Variants in HS6ST3 observed in about 807,000 individuals in gnomAD.
HS6ST3 encodes the protein heparan sulfate 6-O-sulfotransferase 3.
In HS6ST3, 12 loss-of-function variants were observed where a neutral mutation model predicts 36.7. The observed-to-expected ratio is 0.33, with a 90% CI of 0.21 to 0.53. The LOEUF is 0.53. Ranked by LOEUF, HS6ST3 falls within the 20% of genes least tolerant of loss-of-function variation. HS6ST3 has a pLI of 0.95. For synonymous variants in HS6ST3, 240 were observed against 257.5 expected, an observed-to-expected ratio of 0.93 and a Z score of 0.65; for missense variants, 584 against 640.9, an observed-to-expected ratio of 0.91 and a Z score of 0.96.
At chr13:96,539,035 C>T (rs1011575684) in intron 1 of HS6ST3, among the ~76,000 whole-genome samples, 4 of 151,948 alleles carry the variant, frequency 2.6e-5, no homozygotes, top group South Asian at 2.1e-4. Flanking sequence ...ATTATCTAGG[C>T]GTAGTAGTGG....
At chr13:96,447,943 G>A (rs1027861806) in intron 1 of HS6ST3, among the ~76,000 whole-genome samples, 17 of 152,242 alleles carry the variant, frequency 1.1e-4, no homozygotes, top group Admixed American at 1.1e-3. Context: ...TATCAAAACT[G>A]GTGCGAGGAC....
chr13:96,131,013 GAGTATTT>G (rs1345631129), intron 1 of HS6ST3, among the ~76,000 whole-genome samples: 3 of 152,150 alleles, frequency 2.0e-5, no homozygotes, highest in Non-Finnish European at 4.4e-5. Flanking sequence ...CTACCAAGCA[GAGTATTT>G]GAGGGCCAGG....
intron 1 of HS6ST3, among the ~76,000 whole-genome samples, chr13:96,510,040 C>T (rs973624577): frequency 6.6e-6 from 1 of 152,058 alleles, no homozygotes; most frequent in African/African-American, 2.4e-5. Flanking sequence ...TTGTGGTTCT[C>T]CGTGTAGAGA....
At chr13:96,209,189 G>A (rs2054386610) in intron 1 of HS6ST3, among the ~76,000 whole-genome samples, 1 of 152,300 alleles carries the variant, frequency 6.6e-6, no homozygotes, top group African/African-American at 2.4e-5. Flanking sequence ...GTAATTCCTT[G>A]ATCTTACAAG....
intron 1 of HS6ST3, among the ~76,000 whole-genome samples, chr13:96,693,422 A>T (rs1212474431): frequency 6.6e-6 from 1 of 152,118 alleles, no homozygotes; most frequent in African/African-American, 2.4e-5. Context: ...CTCTTGCCTC[A>T]GCCTCCCGAG....
chr13:96,200,067 A>C (rs993979665), intron 1 of HS6ST3, among the ~76,000 whole-genome samples: 5 of 152,212 alleles, frequency 3.3e-5, no homozygotes, highest in African/African-American at 1.2e-4. Context: ...CTAAACAAAC[A>C]CTTAAAATGA....
intron 1 of HS6ST3, among the ~76,000 whole-genome samples, chr13:96,482,745 A>G (rs1212265021): frequency 6.6e-6 from 1 of 152,214 alleles, no homozygotes; most frequent in African/African-American, 2.4e-5. Flanking sequence ...AAGGGTGCAA[A>G]ACTAAAAAGG....
At chr13:96,360,877 C>T (rs953042244) in intron 1 of HS6ST3, among the ~76,000 whole-genome samples, 8 of 145,676 alleles carry the variant, frequency 5.5e-5, no homozygotes, top group South Asian at 2.2e-4. Flanking sequence ...ACTTGGGAGG[C>T]GGAGGTTGCA....
chr13:96,420,038 A>G (rs1006092706), intron 1 of HS6ST3, among the ~76,000 whole-genome samples: 3 of 152,162 alleles, frequency 2.0e-5, no homozygotes, highest in African/African-American at 7.2e-5. Flanking sequence ...AAAATCCTGT[A>G]TATAAGTTTG....
chr13:96,229,167 G>GA (rs1465109023), intron 1 of HS6ST3, among the ~76,000 whole-genome samples: 1 of 152,146 alleles, frequency 6.6e-6, no homozygotes, highest in Non-Finnish European at 1.5e-5. Context: ...GGTTTATGCT[G>GA]AAAAACCCAG....
chr13:96,728,564 T>C (rs1266843524), intron 1 of HS6ST3, among the ~76,000 whole-genome samples: 2 of 152,266 alleles, frequency 1.3e-5, no homozygotes, highest in Admixed American at 6.5e-5. Flanking sequence ...GATGTTGCAT[T>C]GTGCAAAATA....
chr13:96,407,997 G>A (rs966689182), intron 1 of HS6ST3, among the ~76,000 whole-genome samples: 2 of 152,138 alleles, frequency 1.3e-5, no homozygotes, highest in Non-Finnish European at 2.9e-5. Flanking sequence ...CTGGAGTGCA[G>A]TGGCACGATC....
intron 1 of HS6ST3, among the ~76,000 whole-genome samples, chr13:96,238,467 C>T (rs2054545014): frequency 6.6e-6 from 1 of 152,184 alleles, no homozygotes; most frequent in Admixed American, 6.5e-5. Context: ...GTTGTCATCC[C>T]AGTCTGATTC....
intron 1 of HS6ST3, among the ~76,000 whole-genome samples, chr13:96,249,656 C>CT (rs538158787): frequency 0.013 from 1,951 of 152,214 alleles, 22 homozygotes; most frequent in Non-Finnish European, 0.02. Flanking sequence ...GTAGGTGAAT[C>CT]TTTTTCATGT....
At chr13:96,212,924 A>G (rs963770570) in intron 1 of HS6ST3, among the ~76,000 whole-genome samples, 1 of 152,196 alleles carries the variant, frequency 6.6e-6, no homozygotes, top group African/African-American at 2.4e-5. Context: ...TTCTCTCTCC[A>G]GAACCCAAAA....
At chr13:96,198,696 ACC>A in intron 1 of HS6ST3, among the ~76,000 whole-genome samples, 1 of 152,166 alleles carries the variant, frequency 6.6e-6, no homozygotes, top group Non-Finnish European at 1.5e-5. Context: ...TCCATCTGAG[ACC>A]AACTCAGCCT....
Position 96,237,747 on chromosome 13 carries a change from C to T in HS6ST3, c.707+146178C>T, listed in dbSNP as rs549013053. On this transcript the variant is annotated intron_variant, in intron 1 of 1. Transcript: ENST00000376705. ...TTTGTATGGGTTAATTCGGTGGACACATCTTTGTCCTTATTGGTCTTAAGC... is the reference window on the plus strand; with the variant it reads ...TTTGTATGGGTTAATTCGGTGGACATATCTTTGTCCTTATTGGTCTTAAGC... 6.0e-4 allele frequency among the ~76,000 whole-genome samples: 92 copies of T among 152,310 alleles called. 1 individual carries two copies. Among genetic ancestry groups the T allele is most frequent in the African/African-American group, 2.2e-3 (92 of 41,562 alleles).
chr13:96,574,021 C>T (rs562212796), intron 1 of HS6ST3: 2 of 542,872 alleles, frequency 3.7e-6, no homozygotes, highest in Admixed American at 1.9e-5. Flanking sequence ...TCACCAATGA[C>T]CCCTGTCTGC....
At chr13:96,659,872 G>A (rs183003768) in intron 1 of HS6ST3, among the ~76,000 whole-genome samples, 37 of 151,918 alleles carry the variant, frequency 2.4e-4, no homozygotes, top group Non-Finnish European at 4.9e-4. Flanking sequence ...TTATATATTG[G>A]TTAAAAGTTA....
Sources: gnomAD v4.1 joint callset for allele counts (sites outside exome capture counted in the v4.1 genomes callset) on GRCh38, gnomAD v4.1.1 for gene constraint, MANE v1.5 for transcripts, NCBI Gene and HGNC (gene_info 2026-07-23, HGNC 2026-07-21) for gene names.